Variants in GOT2 observed in about 807,000 individuals in gnomAD.
The protein encoded by GOT2 is glutamic-oxaloacetic transaminase 2, also known as aspartate aminotransferase, mitochondrial.
In GOT2, 17 loss-of-function variants were observed where a neutral mutation model predicts 50.0. That is an observed-to-expected ratio of 0.34 (90% CI 0.23 to 0.51). GOT2 has a LOEUF of 0.51. GOT2 is among the 20% of genes least tolerant of loss of function. GOT2 has a pLI of 0.97. For missense variants in GOT2, 430 were observed against 559.6 expected (o/e 0.77, Z 2.34); for synonymous variants, 172 against 204.9 (o/e 0.84, Z 1.37).
chr16:58,734,029 G>C, intron 1 of GOT2, 111 bp downstream of exon 1: 1 of 480,816 alleles, frequency 2.1e-6, no homozygotes, highest in Non-Finnish European at 3.4e-6. Flanking sequence ...GTGTGTGCGT[G>C]TGAGTGACAG....
chr16:58,709,136 C>T, intron 9 of GOT2: 1 of 261,346 alleles, frequency 3.8e-6, no homozygotes, highest in Non-Finnish European at 7.3e-6. Context: ...GTGGCACTCA[C>T]TTCTAGTCCC....
intron 9 of GOT2, among the ~76,000 whole-genome samples, chr16:58,708,850 A>AG (rs1425528950): frequency 6.8e-5 from 1 of 14,726 alleles, no homozygotes. Context: ...GTAAACAACT[A>AG]AAAAAAAAAA....
At chr16:58,719,896 A>G (rs1487326804) in intron 3 of GOT2, among the ~76,000 whole-genome samples, 1 of 152,146 alleles carries the variant, frequency 6.6e-6, no homozygotes, top group East Asian at 1.9e-4. Flanking sequence ...CAAGGATAAC[A>G]TTACAACATT....
Position 58,708,249 on chromosome 16 carries a change from A to G in GOT2, c.1215T>C (p.Asp405=). The G allele has an allele frequency of 2.5e-6, 4 of 1,614,082 alleles. No homozygotes were observed. Among genetic ancestry groups the G allele is most frequent in the Non-Finnish European group, 3.4e-6 (4 of 1,179,952 alleles). Residue 405 remains aspartate (D), a synonymous_variant, in exon 10 of 10, where the codon GAT becomes GAC. Coordinates refer to ENST00000245206, the MANE Select transcript of GOT2 (RefSeq NM_002080.4). ...TGACCCCTGCCACAGAGATGCGGCC[A>G]TCTTTTGTCATGTAGATGGAGAACT... ...IKEFSIYMTK[D]GRISVAGVTS...
At position 58,709,332 on chromosome 16, in the gene GOT2, A is replaced by C. The variant is rs560817627; in HGVS notation, c.1170+85T>G. On this transcript the variant is annotated intron_variant, in intron 9 of 9. Transcript: ENST00000245206. ...ACAAAAAACCCGAAAACATTAAATA[A>C]AAAAGAAAAAAGAAAAAAAAGTAAT... is the stretch of plus-strand genomic sequence containing the variant. The C allele has an allele frequency of 5.9e-5, 68 of 1,144,808 alleles. No homozygotes were observed. In the African/African-American group the frequency reaches 8.9e-4, roughly 15 times the overall value. The allele number at this position is 1,144,808 out of a possible 1,614,324, so 70.9% of individuals were successfully genotyped here. A position where few individuals can be genotyped will look rare whatever the true frequency, so the allele number is the denominator to read the frequency against.
At chr16:58,721,353 G>T (rs1405627201) in intron 3 of GOT2, among the ~76,000 whole-genome samples, 1 of 152,142 alleles carries the variant, frequency 6.6e-6, no homozygotes, top group Non-Finnish European at 1.5e-5. Flanking sequence ...TGTTGGGAGC[G>T]TGGTCTTCTT....
chr16:58,716,559 G>C, intron 7 of GOT2, 104 bp downstream of exon 7: 1 of 724,292 alleles, frequency 1.4e-6, no homozygotes, highest in Non-Finnish European at 2.2e-6. Context: ...GACATGGATG[G>C]ACACACACAC....
At chr16:58,720,806 G>A (rs902823811) in intron 3 of GOT2, among the ~76,000 whole-genome samples, 1 of 152,010 alleles carries the variant, frequency 6.6e-6, no homozygotes, top group East Asian at 1.9e-4. Context: ...GGCTGGTCTC[G>A]AACTCCTGAC....
At chr16:58,724,030 T>C (rs930491204) in intron 1 of GOT2, 128 bp from the exon 2 acceptor site, 7 of 709,678 alleles carry the variant, frequency 9.9e-6, no homozygotes, top group Admixed American at 6.5e-5. Context: ...CTTGGCTCAC[T>C]GCAGCGTTTG....
intron 3 of GOT2, among the ~76,000 whole-genome samples, chr16:58,720,798 C>T (rs949809697): frequency 6.6e-6 from 1 of 152,068 alleles, no homozygotes; most frequent in Admixed American, 6.6e-5. Flanking sequence ...ATTGGTCAGG[C>T]TGGTCTCGAA....
chr16:58,719,309 A>T, intron 3 of GOT2, 54 bp from the exon 4 acceptor site: 4 of 1,233,520 alleles, frequency 3.2e-6, no homozygotes, highest in Non-Finnish European at 3.6e-6. Context: ...ATACAGGCCC[A>T]GACCCAGGGC....
chr16:58,718,571 T>C lies in GOT2; in HGVS notation c.553A>G (p.Lys185Glu). ...CCTGTGAAGTCAAAACCGCAAGTCT[T>C]GGGGTCATAATACCGATAACCTTGT... ...QLQGYRYYDP[K>E]TCGFDFTGAV... The change falls in exon 5 of 10, where the codon AAG (lysine) becomes GAG (glutamate). Residue 185 changes from lysine to glutamate, a missense_variant. Physicochemically the swap from Lys to Glu is moderately conservative, Grantham distance 56. Transcript: ENST00000245206. 6.2e-7 allele frequency: 1 copy of C among 1,607,098 alleles called. No homozygotes were observed. Among genetic ancestry groups the C allele is most frequent in the Non-Finnish European group, 8.5e-7 (1 of 1,176,576 alleles).
intron 8 of GOT2, among the ~76,000 whole-genome samples, chr16:58,710,925 G>A (rs906208905): frequency 5.9e-5 from 8 of 136,302 alleles, no homozygotes; most frequent in African/African-American, 1.7e-4. Context: ...CGGAGATGGC[G>A]CCACTGCACT....
chr16:58,722,051 AT>A (rs1855303741), intron 3 of GOT2, 98 bp downstream of exon 3: 8 of 1,351,130 alleles, frequency 5.9e-6, no homozygotes, highest in East Asian at 2.3e-5. Context: ...AAGTGGTGGG[AT>A]TACAGGCGTG....
intron 1 of GOT2, among the ~76,000 whole-genome samples, chr16:58,727,958 AC>A (rs2044801082): frequency 7.3e-6 from 1 of 137,792 alleles, no homozygotes; most frequent in Non-Finnish European, 1.6e-5. Context: ...CTCGTGAATT[AC>A]CTCATGAACA....
chr16:58,711,966 G>A (rs948727587), intron 8 of GOT2, among the ~76,000 whole-genome samples: 11 of 151,852 alleles, frequency 7.2e-5, no homozygotes, highest in African/African-American at 2.4e-4. Context: ...CCTCACATTC[G>A]TGTTTTCATC....
Position 58,707,948 on chromosome 16 carries a change from G to A in GOT2, c.*223C>T, listed in dbSNP as rs1803168. On this transcript the variant is annotated 3_prime_UTR_variant, in exon 10 of 10. Transcript: ENST00000245206. ...AGAAAAGTTGGAGAAAAAAGGACCG[G>A]GGAGAGTTTGGTTTAATATTCCAGA... 2.7e-6 allele frequency: 1 copy of A among 366,458 alleles called. No individual in the cohort carries two copies. The highest frequency in any genetic ancestry group is 2.1e-5 in the African/African-American group (1 of 47,706). 22.7% of individuals were successfully genotyped at this position (366,458 alleles called of 1,614,324 possible).
In GOT2 at chr16:58,718,698, G is replaced by A; in HGVS notation, c.436-10C>T. On this transcript the variant is annotated splice_polypyrimidine_tract_variant and intron_variant, in intron 4 of 9. Coordinates refer to ENST00000245206, the MANE Select transcript of GOT2 (RefSeq NM_002080.4). ...ACTTAAAAAATCTTTGCTAAAAGAT[G>A]GGACGAAAGGAAACAGAAAAATGAA... The A allele has an allele frequency of 6.5e-7, 1 of 1,543,954 alleles. No homozygotes were observed.
chr16:58,710,046 A>G (rs1415270998), intron 8 of GOT2, among the ~76,000 whole-genome samples: 3 of 152,136 alleles, frequency 2.0e-5, no homozygotes, highest in African/African-American at 7.2e-5. Context: ...GATGTTTGGT[A>G]GGTTAAGTGT....
Sources: allele counts gnomAD v4.1 joint callset (sites outside exome capture counted in the v4.1 genomes callset), GRCh38; gene constraint gnomAD v4.1.1; transcripts MANE v1.5; gene names NCBI Gene and HGNC (gene_info 2026-07-23, HGNC 2026-07-21).